MARCHF1: variants seen among roughly 807,000 people sequenced by gnomAD.
The protein encoded by MARCHF1 is E3 ubiquitin-protein ligase MARCHF1.
Under a neutral mutation model 54.2 loss-of-function variants are expected in MARCHF1, and 40 were observed. The ratio of observed to expected loss-of-function variants is 0.74; its 90% CI spans 0.57 to 0.96. MARCHF1 has a LOEUF of 0.96. MARCHF1 is among the 40% of genes least tolerant of loss of function. The pLI is 0.00. For missense variants in MARCHF1, 586 were observed against 656.5 expected, an observed-to-expected ratio of 0.89 and a Z score of 1.17; for synonymous variants, 236 against 236.3, an observed-to-expected ratio of 1.00 and a Z score of 0.01.
chr4:164,151,250 T>C (rs1444360386), intron 1 of MARCHF1, among the ~76,000 whole-genome samples: 1 of 152,102 alleles, frequency 6.6e-6, no homozygotes, highest in Non-Finnish European at 1.5e-5. Context: ...GCTAAGACAG[T>C]TCTAAGGAGA....
At chr4:163,633,273 A>G (rs1742177156) in intron 5 of MARCHF1, among the ~76,000 whole-genome samples, 1 of 152,230 alleles carries the variant, frequency 6.6e-6, no homozygotes, top group African/African-American at 2.4e-5. Flanking sequence ...TGAGAGAAGA[A>G]GGCTTCAGAC....
intron 4 of MARCHF1, among the ~76,000 whole-genome samples, chr4:163,717,683 G>A (rs563705835): frequency 4.6e-5 from 7 of 152,172 alleles, no homozygotes; most frequent in South Asian, 2.1e-4. Flanking sequence ...TTTAACGACC[G>A]CCATTCTAAC....
At chr4:164,184,222 C>A (rs1309873517) in intron 1 of MARCHF1, among the ~76,000 whole-genome samples, 4 of 152,148 alleles carry the variant, frequency 2.6e-5, no homozygotes, top group Non-Finnish European at 5.9e-5. Flanking sequence ...CGATATAATT[C>A]TTCAGTTTTC....
At chr4:164,231,633 T>C (rs1441431347) in intron 1 of MARCHF1, among the ~76,000 whole-genome samples, 1 of 152,110 alleles carries the variant, frequency 6.6e-6, no homozygotes, top group Admixed American at 6.6e-5. Flanking sequence ...TGATACGCCA[T>C]GGAGAACTAA....
intron 5 of MARCHF1, among the ~76,000 whole-genome samples, chr4:163,671,009 C>A (rs6843006): frequency 6.6e-6 from 1 of 152,188 alleles, no homozygotes; most frequent in Middle Eastern, 3.2e-3. Flanking sequence ...GATTTCACCT[C>A]TTCTGAGTTC....
chr4:163,897,892 T>TAA (rs71600649), intron 3 of MARCHF1, among the ~76,000 whole-genome samples: 28,745 of 148,690 alleles, frequency 0.19, 3,280 homozygotes, highest in South Asian at 0.32. Context: ...CAGTCTCTAC[T>TAA]AAAAAAAAAC....
At chr4:164,166,658 C>A (rs1413359213) in intron 1 of MARCHF1, among the ~76,000 whole-genome samples, 2 of 151,530 alleles carry the variant, frequency 1.3e-5, no homozygotes, top group East Asian at 3.9e-4. Flanking sequence ...AGCAATCAGA[C>A]AAGAAAAAGA....
intron 1 of MARCHF1, among the ~76,000 whole-genome samples, chr4:164,310,634 T>C (rs1734825923): frequency 7.0e-6 from 1 of 142,728 alleles, no homozygotes; most frequent in Non-Finnish European, 1.5e-5. Flanking sequence ...TAGTGAATAA[T>C]AATATTTATT....
chr4:164,258,997 AT>A (rs1451832536), intron 1 of MARCHF1, among the ~76,000 whole-genome samples: 1 of 152,194 alleles, frequency 6.6e-6, no homozygotes, highest in African/African-American at 2.4e-5. Context: ...TGGCTAATTC[AT>A]TTTAAAAAAC....
At chr4:164,095,170 C>T (rs1309239831) in intron 2 of MARCHF1, among the ~76,000 whole-genome samples, 1 of 151,988 alleles carries the variant, frequency 6.6e-6, no homozygotes, top group Non-Finnish European at 1.5e-5. Flanking sequence ...AAATTGAGAG[C>T]TCAGACTTCA....
chr4:163,748,849 T>G (rs1579254035), intron 4 of MARCHF1, among the ~76,000 whole-genome samples: 1 of 152,176 alleles, frequency 6.6e-6, no homozygotes, highest in African/African-American at 2.4e-5. Context: ...GAAGTACATA[T>G]TAAGACTAAA....
intron 5 of MARCHF1, among the ~76,000 whole-genome samples, chr4:163,627,383 G>A (rs746289439): frequency 6.6e-6 from 1 of 152,040 alleles, no homozygotes; most frequent in Non-Finnish European, 1.5e-5. Context: ...ACCTTTCTTC[G>A]ATAGCATAGC....
intron 1 of MARCHF1, among the ~76,000 whole-genome samples, chr4:164,195,128 T>C (rs1731220114): frequency 6.6e-6 from 1 of 152,046 alleles, no homozygotes; most frequent in Admixed American, 6.6e-5. Context: ...CATCCATGTC[T>C]TTTATTTTTT....
chr4:164,083,953 G>T (rs148369671), intron 2 of MARCHF1, among the ~76,000 whole-genome samples: 2 of 151,908 alleles, frequency 1.3e-5, no homozygotes, highest in Non-Finnish European at 2.9e-5. Context: ...TATAATTTTT[G>T]CTTTTGTTTT....
intron 1 of MARCHF1, among the ~76,000 whole-genome samples, chr4:164,173,812 C>T (rs994828534): frequency 6.6e-6 from 1 of 152,306 alleles, no homozygotes; most frequent in Non-Finnish European, 1.5e-5. Context: ...CCTGCAGAAT[C>T]GTGAGCCAAA....
At chr4:164,098,116 C>T (rs1021880241) in intron 2 of MARCHF1, among the ~76,000 whole-genome samples, 5 of 152,136 alleles carry the variant, frequency 3.3e-5, no homozygotes, top group Admixed American at 6.6e-5. Context: ...TTCATTTCAG[C>T]TCATGCTTTC....
chr4:164,321,191 A>G (rs564246478), intron 1 of MARCHF1, among the ~76,000 whole-genome samples: 125 of 152,374 alleles, frequency 8.2e-4, no homozygotes, highest in Non-Finnish European at 1.3e-3. Context: ...AAACCTCTGT[A>G]GAAGACAGCT....
chr4:163,798,275 C>A (rs1254052817), intron 4 of MARCHF1, among the ~76,000 whole-genome samples: 1 of 152,242 alleles, frequency 6.6e-6, no homozygotes, highest in South Asian at 2.1e-4. Flanking sequence ...AGCAAGAAGA[C>A]AACCGTCTGC....
chr4:163,882,737 G>A (rs1378662787), intron 3 of MARCHF1, among the ~76,000 whole-genome samples: 2 of 152,032 alleles, frequency 1.3e-5, no homozygotes, highest in Admixed American at 6.6e-5. Flanking sequence ...GGGAGGCTGA[G>A]GTAGGTGGAT....
Sources: gnomAD v4.1 joint callset for allele counts (sites outside exome capture counted in the v4.1 genomes callset) on GRCh38, gnomAD v4.1.1 for gene constraint, MANE v1.5 for transcripts, NCBI Gene and HGNC (gene_info 2026-07-23, HGNC 2026-07-21) for gene names.